SBSPON: variants seen among roughly 807,000 people sequenced by gnomAD.
SBSPON encodes the protein somatomedin-B and thrombospondin type-1 domain-containing protein.
In SBSPON, 30 loss-of-function variants were observed where a neutral mutation model predicts 35.8. That is an observed-to-expected ratio of 0.84 (90% confidence interval 0.63 to 1.14). The LOEUF is 1.14. Ranked by LOEUF, SBSPON falls within the 50% of genes most tolerant of loss-of-function variation. SBSPON has a pLI of 0.00. For missense variants in SBSPON, 364 were observed against 357.7 expected, an observed-to-expected ratio of 1.02 and a Z score of -0.14; for synonymous variants, 136 against 135.9, an observed-to-expected ratio of 1.00 and a Z score of 0.00.
chr8:73,066,159 A>C lies in SBSPON; in HGVS notation c.*1182T>G, dbSNP rs1810384506. The stretch of plus-strand genomic sequence containing the variant: ...AATCTCATGTAGTTTACATCTCAAG[A>C]CTCAATTCTCTAAACTAAATATCTT... On this transcript the variant is annotated 3_prime_UTR_variant, in exon 5 of 5. Coordinates refer to ENST00000297354, the MANE Select transcript of SBSPON (RefSeq NM_153225.4). The C allele has an allele frequency of 6.6e-6, 1 of 152,150 alleles. No individual in the cohort carries two copies. The highest frequency in any genetic ancestry group is 6.6e-5 in the Admixed American group (1 of 15,266). 9.4% of individuals were successfully genotyped at this position (152,150 alleles called of 1,614,324 possible). A position where few individuals can be genotyped will look rare whatever the true frequency, so the allele number is the denominator to read the frequency against.
chr8:73,068,844 A>C (rs73687076), intron 4 of SBSPON, among the ~76,000 whole-genome samples: 1 of 152,238 alleles, frequency 6.6e-6, no homozygotes, highest in Admixed American at 6.5e-5. Flanking sequence ...CTGTGAGTTA[A>C]GAATAATTTT....
chr8:73,072,445 G>A (rs1440971309), intron 2 of SBSPON, among the ~76,000 whole-genome samples: 1 of 152,122 alleles, frequency 6.6e-6, no homozygotes, highest in Non-Finnish European at 1.5e-5. Context: ...ATGGTGGGTG[G>A]ATCATCTGAG....
chr8:73,088,526 T>C (rs1810875639), intron 1 of SBSPON, among the ~76,000 whole-genome samples: 1 of 151,992 alleles, frequency 6.6e-6, no homozygotes, highest in African/African-American at 2.4e-5. Context: ...CCACAAAAAA[T>C]AGCCAGGCTT....
At chr8:73,076,258 A>T (rs943403096) in intron 2 of SBSPON, among the ~76,000 whole-genome samples, 5 of 152,180 alleles carry the variant, frequency 3.3e-5, no homozygotes, top group Admixed American at 3.3e-4. Context: ...TGGAGGCAGA[A>T]TTGTGGCCCC....
intron 1 of SBSPON, chr8:73,083,942 T>C (rs1342981416): frequency 6.6e-6 from 1 of 152,278 alleles, no homozygotes; most frequent in Admixed American, 6.5e-5. Context: ...ATATTCAGGT[T>C]GGGTCTCCCC....
At position 73,083,395 on chromosome 8, in the gene SBSPON, G is replaced by C. The variant is rs114364150; in HGVS notation, c.215-2182C>G. Among the ~76,000 whole-genome samples the C allele has an allele frequency of 6.0e-4, 91 of 152,260 alleles. 1 individual carries two copies. The highest frequency in any genetic ancestry group is 2.2e-3 in the African/African-American group (90 of 41,544). On this transcript the variant is annotated intron_variant, in intron 1 of 4. Transcript: ENST00000297354. ...GGTGTTTCACAAAATATTTTGCGTC[G>C]GAAGATTAAATAAATTAAGAAGTAT...
chr8:73,064,873 T>C lies in SBSPON; in HGVS notation c.*2468A>G, dbSNP rs1311500244. 6.6e-6 allele frequency: 1 copy of C among 152,198 alleles called. No individual in the cohort carries two copies. The highest frequency in any genetic ancestry group is 1.5e-5 in the Non-Finnish European group (1 of 68,024). 9.4% of individuals were successfully genotyped at this position (152,198 alleles called of 1,614,324 possible). The stretch of plus-strand genomic sequence containing the variant: ...TTCGAATTATTTTCCATGAGCACTT[T>C]TGAAAATCAGTCTATTAAGGGATTT... On this transcript the variant is annotated 3_prime_UTR_variant, in exon 5 of 5. Transcript: ENST00000297354.
rs73687080 is a variant in SBSPON, at chr8:73,072,880, A to G, written c.410-1010T>C. ...CTTCTTTTCCCTCTTCCTCCCCACAACCCTCCCCCAACTCTGATGCTCTGG... is the reference window on the plus strand; with the variant it reads ...CTTCTTTTCCCTCTTCCTCCCCACAGCCCTCCCCCAACTCTGATGCTCTGG... On this transcript the variant is annotated intron_variant, in intron 2 of 4. Transcript: ENST00000297354. Among the ~76,000 whole-genome samples the G allele has an allele frequency of 7.0e-3, 1,045 of 150,088 alleles. 7 individuals carry two copies. Among genetic ancestry groups the G allele is most frequent in the African/African-American group, 0.024 (962 of 40,822 alleles).
Position 73,066,414 on chromosome 8 carries a change from C to T in SBSPON, c.*927G>A, listed in dbSNP as rs1377466951. On this transcript the variant is annotated 3_prime_UTR_variant, in exon 5 of 5. Transcript: ENST00000297354. Reference sequence around the variant, plus strand: ...ACATTTCCTTGTGTGTGTGTGAGATCGTAGCACCTGTAATGACGTCTATGC... The same window carrying T: ...ACATTTCCTTGTGTGTGTGTGAGATTGTAGCACCTGTAATGACGTCTATGC... 6.6e-6 allele frequency: 1 copy of T among 152,048 alleles called. No homozygotes were observed. The highest frequency in any genetic ancestry group is 1.5e-5 in the Non-Finnish European group (1 of 68,014). The allele number at this position is 152,048 out of a possible 1,614,324, so 9.4% of individuals were successfully genotyped here.
Position 73,088,099 on chromosome 8 carries a change from A to G in SBSPON, c.214+4755T>C, listed in dbSNP as rs1008725275. 3.9e-5 allele frequency among the ~76,000 whole-genome samples: 6 copies of G among 152,322 alleles called. No homozygotes were observed. In the South Asian group the frequency reaches 6.2e-4, roughly 16 times the overall value. On this transcript the variant is annotated intron_variant, in intron 1 of 4. Transcript: ENST00000297354. ...GCCATTGTCATAAGGAGATTTCCTG[A>G]GATCATTCCAGAACAGATGTCTTTG...
intron 1 of SBSPON, among the ~76,000 whole-genome samples, chr8:73,084,667 T>C (rs1810785095): frequency 6.6e-6 from 1 of 152,104 alleles, no homozygotes; most frequent in South Asian, 2.1e-4. Context: ...ACTCACCCTT[T>C]AACTCCCAGA....
Position 73,066,153 on chromosome 8 carries a change from C to G in SBSPON, c.*1188G>C, listed in dbSNP as rs1382712962. ...CAAAGAAATCTCATGTAGTTTACAT[C>G]TCAAGACTCAATTCTCTAAACTAAA... On this transcript the variant is annotated 3_prime_UTR_variant, in exon 5 of 5. Transcript: ENST00000297354. The G allele has an allele frequency of 6.6e-6, 1 of 152,050 alleles. No individual in the cohort carries two copies. The highest frequency in any genetic ancestry group is 1.5e-5 in the Non-Finnish European group (1 of 67,996). 9.4% of individuals were successfully genotyped at this position (152,050 alleles called of 1,614,324 possible). A position where few individuals can be genotyped will look rare whatever the true frequency, so the allele number is the denominator to read the frequency against.
chr8:73,084,813 G>C (rs1017583629), intron 1 of SBSPON, among the ~76,000 whole-genome samples: 3 of 149,938 alleles, frequency 2.0e-5, no homozygotes, highest in Non-Finnish European at 4.4e-5. Context: ...TTTCCTCTCA[G>C]AGCTTGGTGT....
rs114536817 is a variant in SBSPON, at chr8:73,092,258, T to C, written c.214+596A>G. 2.7e-3 allele frequency among the ~76,000 whole-genome samples: 416 copies of C among 152,334 alleles called. 1 individual carries two copies. The highest frequency in any genetic ancestry group is 9.1e-3 in the African/African-American group (377 of 41,572). Reference sequence around the variant, plus strand: ...AGAAAATTAAATTCCAAGAACATACTGTACACCTCCTAGGAGAAAGAGGCT... The same window carrying C: ...AGAAAATTAAATTCCAAGAACATACCGTACACCTCCTAGGAGAAAGAGGCT... On this transcript the variant is annotated intron_variant, in intron 1 of 4. Transcript: ENST00000297354.
intron 1 of SBSPON, among the ~76,000 whole-genome samples, chr8:73,084,550 G>A (rs7006139): frequency 0.086 from 13,014 of 151,966 alleles, 824 homozygotes; most frequent in Admixed American, 0.19. Context: ...AGCCACATGG[G>A]CCTCTTTACC....
At position 73,065,612 on chromosome 8, in the gene SBSPON, A is replaced by G. The variant is rs1586086002; in HGVS notation, c.*1729T>C. The G allele has an allele frequency of 1.5e-5, 2 of 132,314 alleles. No individual in the cohort carries two copies. The highest frequency in any genetic ancestry group is 7.3e-5 in the Admixed American group (1 of 13,698). 8.2% of individuals were successfully genotyped at this position (132,314 alleles called of 1,614,324 possible). A position where few individuals can be genotyped will look rare whatever the true frequency, so the allele number is the denominator to read the frequency against. The stretch of plus-strand genomic sequence containing the variant: ...AACACAGTGAAACCCTGTCTCTACT[A>G]AAAAAAAAAAACAAAAAATTAGCCA... On this transcript the variant is annotated 3_prime_UTR_variant, in exon 5 of 5. Transcript: ENST00000297354.
rs546629294 is a variant in SBSPON at position 73,084,597 on chromosome 8, G to A, written c.215-3384C>T. Among the ~76,000 whole-genome samples, 10 of 152,120 alleles carry A rather than the reference G, an allele frequency of 6.6e-5. No homozygotes were observed. The South Asian group carries it at 1.7e-3, about 25-fold the overall frequency. The stretch of plus-strand genomic sequence containing the variant: ...CCAAGCTCTTTCCCACCCTGGGACC[G>A]TTGTACACATTTTTACTCTGCTGGG... On this transcript the variant is annotated intron_variant, in intron 1 of 4. Transcript: ENST00000297354.
intron 2 of SBSPON, among the ~76,000 whole-genome samples, chr8:73,074,750 T>C (rs1050226548): frequency 6.6e-6 from 1 of 152,180 alleles, no homozygotes; most frequent in African/African-American, 2.4e-5. Context: ...GTATCTGGAG[T>C]CACCTCAGTC....
rs1810374699 is a variant in SBSPON, at chr8:73,065,631, T to G, written c.*1710A>C. Reference sequence around the variant, plus strand: ...TCTACTAAAAAAAAAAAACAAAAAATTAGCCAGGCGTGATGACGGCGCCTG... The same window carrying G: ...TCTACTAAAAAAAAAAAACAAAAAAGTAGCCAGGCGTGATGACGGCGCCTG... On this transcript the variant is annotated 3_prime_UTR_variant, in exon 5 of 5. Coordinates refer to ENST00000297354, the MANE Select transcript of SBSPON (RefSeq NM_153225.4). 6.7e-6 allele frequency: 1 copy of G among 150,262 alleles called. No individual in the cohort carries two copies. The highest frequency in any genetic ancestry group is 6.6e-5 in the Admixed American group (1 of 15,076). The allele number at this position is 150,262 out of a possible 1,614,324, so 9.3% of individuals were successfully genotyped here.
Sources: gnomAD v4.1 joint callset for allele counts (sites outside exome capture counted in the v4.1 genomes callset) on GRCh38, gnomAD v4.1.1 for gene constraint, MANE v1.5 for transcripts, NCBI Gene and HGNC (gene_info 2026-07-23, HGNC 2026-07-21) for gene names.